Variants in DPP6 observed in about 807,000 individuals in gnomAD.
DPP6 encodes the protein A-type potassium channel modulatory protein DPP6.
DPP6 carries 69 observed loss-of-function variants against 122.6 expected under a neutral mutation model. The ratio of observed to expected loss-of-function variants is 0.56; its 90% CI spans 0.46 to 0.69. The LOEUF is 0.69. Among genes scored for constraint, DPP6 ranks in the 30% least tolerant of loss-of-function variants. The pLI is 0.00. For missense variants in DPP6, 928 were observed against 1,116.9 expected (o/e 0.83, Z 2.41); for synonymous variants, 418 against 433.1 (o/e 0.97, Z 0.43).
intron 2 of DPP6, among the ~76,000 whole-genome samples, chr7:154,469,940 G>C (rs932673024): frequency 6.6e-6 from 1 of 152,182 alleles, no homozygotes; most frequent in Non-Finnish European, 1.5e-5. Context: ...TTATTTTTAA[G>C]CAAAAGTGAT....
chr7:154,073,593 G>T (rs552960370), intron 1 of DPP6, among the ~76,000 whole-genome samples: 1 of 152,156 alleles, frequency 6.6e-6, no homozygotes, highest in Non-Finnish European at 1.5e-5. Context: ...TACTCATCGC[G>T]ATTAATACAT....
At chr7:153,830,733 G>T in the DPP6 span, among the ~76,000 whole-genome samples, 1 of 152,150 alleles carries the variant, frequency 6.6e-6, no homozygotes. Flanking sequence ...ATCTCATACC[G>T]AATTTAATAT....
intron 5 of DPP6, among the ~76,000 whole-genome samples, chr7:154,570,241 A>T (rs1048613713): frequency 5.9e-5 from 9 of 151,988 alleles, no homozygotes; most frequent in African/African-American, 2.2e-4. Flanking sequence ...CAACATCCTG[A>T]GAATAAGAGT....
chr7:154,228,096 A>G (rs867135946), intron 1 of DPP6, among the ~76,000 whole-genome samples: 3 of 152,382 alleles, frequency 2.0e-5, no homozygotes, highest in Middle Eastern at 3.4e-3. Flanking sequence ...AATAGAATTA[A>G]TAATCAAATG....
chr7:154,391,216 C>T (rs1814590729), intron 1 of DPP6, among the ~76,000 whole-genome samples: 1 of 152,134 alleles, frequency 6.6e-6, no homozygotes, highest in Non-Finnish European at 1.5e-5. Flanking sequence ...CAAGAGCAGC[C>T]GCCGCATCTT....
chr7:154,575,841 T>TGG (rs1831637080), intron 5 of DPP6, among the ~76,000 whole-genome samples: 3 of 151,818 alleles, frequency 2.0e-5, no homozygotes, highest in African/African-American at 7.3e-5. Context: ...TTCTGGCTAG[T>TGG]GGGGGAATTG....
At chr7:154,297,063 G>GTTTTTTTTTTTTT (rs34506058) in intron 1 of DPP6, among the ~76,000 whole-genome samples, 34 of 125,190 alleles carry the variant, frequency 2.7e-4, no homozygotes, top group Middle Eastern at 4.3e-3. Flanking sequence ...AATGTATTCT[G>GTTTTTTTTTTTTT]TTTTTTTTTT....
the DPP6 span, among the ~76,000 whole-genome samples, chr7:153,771,997 T>A: frequency 6.6e-6 from 1 of 152,216 alleles, no homozygotes; most frequent in Non-Finnish European, 1.5e-5. Flanking sequence ...ATTTATAGCA[T>A]GGTTAAAAGG....
chr7:154,044,119 G>A (rs1799901752), intron 1 of DPP6, among the ~76,000 whole-genome samples: 2 of 152,182 alleles, frequency 1.3e-5, no homozygotes, highest in South Asian at 4.1e-4. Flanking sequence ...AGGCTCATGT[G>A]ACTGGTGGAT....
chr7:154,323,839 G>C (rs1198015015), intron 1 of DPP6, among the ~76,000 whole-genome samples: 2 of 152,164 alleles, frequency 1.3e-5, no homozygotes, highest in Non-Finnish European at 2.9e-5. Flanking sequence ...GATCTGAGCT[G>C]GTTGCAGTTT....
At position 154,636,992 on chromosome 7, in the gene DPP6, C is replaced by T. The variant is rs998931608; in HGVS notation, c.628-829C>T. Among the ~76,000 whole-genome samples the T allele has an allele frequency of 3.3e-5, 5 of 152,176 alleles. No individual in the cohort carries two copies. The South Asian group carries it at 6.2e-4, about 19-fold the overall frequency. On this transcript the variant is annotated intron_variant, in intron 5 of 25. Coordinates refer to ENST00000377770, the MANE Select transcript of DPP6 (RefSeq NM_130797.4). ...TTGGGGGAAATGAAATATGGTTCAA[C>T]GCAACAGAGTAACCCACATATTCCG... is the stretch of plus-strand genomic sequence containing the variant.
intron 1 of DPP6, among the ~76,000 whole-genome samples, chr7:154,437,499 CA>C (rs201331627): frequency 0.011 from 1,633 of 152,298 alleles, 16 homozygotes; most frequent in Non-Finnish European, 0.018. Context: ...TGGATGATGA[CA>C]AATTTGATTC....
At chr7:154,810,871 G>A (rs1281540506) in intron 16 of DPP6, among the ~76,000 whole-genome samples, 2 of 152,170 alleles carry the variant, frequency 1.3e-5, no homozygotes, top group African/African-American at 4.8e-5. Context: ...CCAATGCCTG[G>A]ATCCCTATAA....
At chr7:154,325,926 G>A (rs1006087069) in intron 1 of DPP6, among the ~76,000 whole-genome samples, 1 of 152,084 alleles carries the variant, frequency 6.6e-6, no homozygotes, top group Non-Finnish European at 1.5e-5. Flanking sequence ...CATATAAGAG[G>A]CATGCATCAT....
intron 1 of DPP6, among the ~76,000 whole-genome samples, chr7:154,365,133 A>G (rs1004430287): frequency 2.6e-5 from 4 of 152,182 alleles, no homozygotes; most frequent in East Asian, 1.9e-4. Flanking sequence ...TTCATCCACC[A>G]TTATGTCAAG....
intron 1 of DPP6, among the ~76,000 whole-genome samples, chr7:154,218,407 CT>C (rs1268067138): frequency 6.6e-6 from 1 of 152,204 alleles, no homozygotes; most frequent in Non-Finnish European, 1.5e-5. Flanking sequence ...GATTACTTGG[CT>C]AATTCATCAG....
intron 5 of DPP6, among the ~76,000 whole-genome samples, chr7:154,595,020 T>TC (rs1200235113): frequency 2.0e-5 from 3 of 151,914 alleles, no homozygotes; most frequent in African/African-American, 7.3e-5. Flanking sequence ...TTGATTTTTT[T>TC]TTTGGCATTG....
At chr7:154,084,816 C>T (rs1804267570) in intron 1 of DPP6, among the ~76,000 whole-genome samples, 1 of 149,510 alleles carries the variant, frequency 6.7e-6, no homozygotes, top group Admixed American at 6.7e-5. Context: ...GGTGAAACCC[C>T]ATCTCTACTA....
chr7:154,627,213 A>G (rs1389893222), intron 5 of DPP6, among the ~76,000 whole-genome samples: 11 of 97,808 alleles, frequency 1.1e-4, no homozygotes, highest in South Asian at 3.3e-4. Flanking sequence ...TTTTTTTGAG[A>G]TGGAGTCTCG....
Sources: allele counts gnomAD v4.1 joint callset (sites outside exome capture counted in the v4.1 genomes callset), GRCh38; gene constraint gnomAD v4.1.1; transcripts MANE v1.5; gene names NCBI Gene and HGNC (gene_info 2026-07-23, HGNC 2026-07-21).